JARID2: variants seen among roughly 807,000 people sequenced by gnomAD.
JARID2 encodes jumonji and AT-rich interaction domain containing 2.
In JARID2, 21 loss-of-function variants were observed where a neutral mutation model predicts 125.6. That is an observed-to-expected ratio of 0.17 (90% CI 0.12 to 0.24). JARID2 has a LOEUF of 0.24. Ranked by LOEUF, JARID2 falls within the 10% of genes least tolerant of loss-of-function variation. The probability of loss-of-function intolerance (pLI) is 1.00; values close to 1 mark genes in which losing one functional copy is unlikely to be tolerated. For missense variants in JARID2, 1,303 were observed against 1,639.6 expected, an observed-to-expected ratio of 0.79 and a Z score of 3.55; for synonymous variants, 736 against 661.6, an observed-to-expected ratio of 1.11 and a Z score of -1.73.
intron 3 of JARID2, among the ~76,000 whole-genome samples, chr6:15,427,905 G>A (rs928468926): frequency 4.0e-5 from 6 of 151,522 alleles, no homozygotes; most frequent in Admixed American, 2.0e-4. Flanking sequence ...TTAATGCAGA[G>A]TGCTGCTTGA....
chr6:15,399,257 A>AC, intron 2 of JARID2, among the ~76,000 whole-genome samples: 1 of 151,836 alleles, frequency 6.6e-6, no homozygotes, highest in East Asian at 1.9e-4. Flanking sequence ...AGGTTACCCC[A>AC]CCCCTTCTTC....
At chr6:15,247,674 C>T (rs576905474) in intron 1 of JARID2, 1 of 984,998 alleles carries the variant, frequency 1.0e-6, no homozygotes, top group Non-Finnish European at 1.2e-6. Context: ...TGAGAGATGA[C>T]CTTCGGGGCA....
chr6:15,301,725 G>A (rs2127412259), intron 1 of JARID2, among the ~76,000 whole-genome samples: 1 of 152,300 alleles, frequency 6.6e-6, no homozygotes, highest in South Asian at 2.1e-4. Flanking sequence ...TGAAACGTGA[G>A]GAAAATTATG....
Position 15,374,143 on chromosome 6 carries a change from A to C in JARID2, c.72A>C (p.Ser24=), listed in dbSNP as rs367783317. The part of the protein sequence containing the change: ...KYDDSDGIPW[S]EERVVRKVLY... ...ATGACAGTGATGGGATTCCGTGGTC[A>C]GAAGAACGGGTGGTACGTAAAGTCC... The change falls in exon 2 of 18, where the codon TCA becomes TCC. Residue 24 remains serine (S), a synonymous_variant. Coordinates refer to ENST00000341776, the MANE Select transcript of JARID2 (RefSeq NM_004973.4). The C allele has an allele frequency of 1.9e-6, 3 of 1,614,136 alleles. No homozygotes were observed. Among genetic ancestry groups the C allele is most frequent in the Non-Finnish European group, 2.5e-6 (3 of 1,179,980 alleles).
intron 1 of JARID2, among the ~76,000 whole-genome samples, chr6:15,256,598 C>A (rs1362679837): frequency 2.4e-5 from 2 of 81,732 alleles, no homozygotes; most frequent in African/African-American, 8.0e-5. Context: ...CCATCCACTT[C>A]ACACATCCGG....
chr6:15,512,845 C>T, intron 14 of JARID2, 70 bp from the exon 15 acceptor site: 1 of 1,455,548 alleles, frequency 6.9e-7, no homozygotes, highest in Non-Finnish European at 9.4e-7. Flanking sequence ...CTGCCCCCTC[C>T]ACCAAGAAGA....
At chr6:15,277,033 G>A (rs565037222) in intron 1 of JARID2, among the ~76,000 whole-genome samples, 31 of 152,310 alleles carry the variant, frequency 2.0e-4, no homozygotes, top group African/African-American at 7.0e-4. Context: ...AGTTCTTCAT[G>A]AATGAGTTCT....
chr6:15,446,984 A>T (rs761969341), intron 3 of JARID2, among the ~76,000 whole-genome samples: 2 of 152,184 alleles, frequency 1.3e-5, no homozygotes, highest in African/African-American at 2.4e-5. Flanking sequence ...ACTCATGTGT[A>T]CAGTGAAGGG....
chr6:15,464,902 G>A (rs957095662), intron 4 of JARID2, among the ~76,000 whole-genome samples: 1 of 152,150 alleles, frequency 6.6e-6, no homozygotes. Context: ...AGAAGAAATT[G>A]TGTTCTTTCT....
chr6:15,384,754 C>A (rs957020660), intron 2 of JARID2, among the ~76,000 whole-genome samples: 1 of 152,084 alleles, frequency 6.6e-6, no homozygotes, highest in Non-Finnish European at 1.5e-5. Context: ...CCATCATGTC[C>A]AGCAAATAGA....
chr6:15,365,496 A>T (rs989965234), intron 1 of JARID2, among the ~76,000 whole-genome samples: 4 of 152,170 alleles, frequency 2.6e-5, no homozygotes, highest in Non-Finnish European at 4.4e-5. Context: ...AAAAGAGCTG[A>T]CTTGGCAGCT....
At chr6:15,356,679 T>C (rs1763611079) in intron 1 of JARID2, among the ~76,000 whole-genome samples, 1 of 152,192 alleles carries the variant, frequency 6.6e-6, no homozygotes, top group Non-Finnish European at 1.5e-5. Context: ...CTGAGTTGTT[T>C]TCATTATCTC....
At chr6:15,422,247 C>G (rs546089722) in intron 3 of JARID2, among the ~76,000 whole-genome samples, 22 of 152,102 alleles carry the variant, frequency 1.4e-4, no homozygotes, top group Non-Finnish European at 2.9e-4. Flanking sequence ...TCCTTCTGGA[C>G]GAATACTCTT....
At chr6:15,280,660 G>T (rs957761883) in intron 1 of JARID2, among the ~76,000 whole-genome samples, 1 of 141,758 alleles carries the variant, frequency 7.1e-6, no homozygotes, top group Non-Finnish European at 1.5e-5. Flanking sequence ...ATGGAGTCTC[G>T]CTCTGTTGCC....
chr6:15,417,159 G>A (rs556461204), intron 3 of JARID2, among the ~76,000 whole-genome samples: 2 of 152,302 alleles, frequency 1.3e-5, no homozygotes, highest in Admixed American at 1.3e-4. Context: ...GGTGAGTAGG[G>A]GGAAGAGGGT....
chr6:15,328,811 C>T (rs72834577), intron 1 of JARID2, among the ~76,000 whole-genome samples: 1,767 of 152,280 alleles, frequency 0.012, 14 homozygotes, highest in Non-Finnish European at 0.02. Context: ...ATGGCATGGG[C>T]TATTATTGCT....
chr6:15,390,886 A>C (rs1343406630), intron 2 of JARID2, among the ~76,000 whole-genome samples: 1 of 152,202 alleles, frequency 6.6e-6, no homozygotes, highest in East Asian at 1.9e-4. Flanking sequence ...CAGAAAACCG[A>C]CAAACTTGAT....
intron 1 of JARID2, among the ~76,000 whole-genome samples, chr6:15,312,991 G>T (rs1231748168): frequency 2.0e-5 from 3 of 152,120 alleles, no homozygotes; most frequent in Non-Finnish European, 2.9e-5. Flanking sequence ...CATCTTTCCC[G>T]CAAACCGAGC....
At chr6:15,325,623 G>GA (rs397942385) in intron 1 of JARID2, among the ~76,000 whole-genome samples, 30 of 152,272 alleles carry the variant, frequency 2.0e-4, no homozygotes, top group African/African-American at 6.7e-4. Context: ...GAGGATCGTA[G>GA]AAATCTTGCT....
Sources: gnomAD v4.1 joint callset for allele counts (sites outside exome capture counted in the v4.1 genomes callset) on GRCh38, gnomAD v4.1.1 for gene constraint, MANE v1.5 for transcripts, NCBI Gene and HGNC (gene_info 2026-07-23, HGNC 2026-07-21) for gene names.